Variants in SRPK1 observed in about 807,000 individuals in gnomAD.
SRPK1 encodes SFRS protein kinase 1.
Under a neutral mutation model 89.5 loss-of-function variants are expected in SRPK1, and 52 were observed. The ratio of observed to expected loss-of-function variants is 0.58; its 90% CI spans 0.46 to 0.73. SRPK1 has a LOEUF of 0.73. SRPK1 is among the 30% of genes least tolerant of loss of function. SRPK1 has a pLI of 0.00. For synonymous variants in SRPK1, 255 were observed against 270.2 expected (o/e 0.94, Z 0.55); for missense variants, 603 against 780.6 (o/e 0.77, Z 2.71).
At chr6:35,860,753 A>G (rs189723100) in intron 12 of SRPK1, among the ~76,000 whole-genome samples, 1 of 151,812 alleles carries the variant, frequency 6.6e-6, no homozygotes, top group East Asian at 1.9e-4. Flanking sequence ...TGTTGTGGAG[A>G]AAAAAAAAGT....
In SRPK1 at chr6:35,869,439, T is replaced by C. The variant is rs766156743; in HGVS notation, c.1411+43A>G. 1.2e-5 allele frequency: 19 copies of C among 1,577,106 alleles called. No homozygotes were observed. The Admixed American group carries it at 1.7e-4, about 14-fold the overall frequency. ...TTAGTCTAGAAATCTGTGAATGTGT[T>C]GTGCAGGGAAGGAGTGTTGAGGAAG... On this transcript the variant is annotated intron_variant, in intron 11 of 15. Transcript: ENST00000373825.
At chr6:35,880,033 C>T (rs1325666387) in intron 6 of SRPK1, among the ~76,000 whole-genome samples, 2 of 149,922 alleles carry the variant, frequency 1.3e-5, no homozygotes, top group Non-Finnish European at 3.0e-5. Flanking sequence ...GGCACTCCAG[C>T]CTGGGTGGTG....
intron 15 of SRPK1, among the ~76,000 whole-genome samples, chr6:35,837,674 G>A (rs1159732592): frequency 6.6e-6 from 1 of 151,922 alleles, no homozygotes; most frequent in East Asian, 1.9e-4. Context: ...TCCCACCCCA[G>A]CTTTCGGAGT....
At chr6:35,882,632 A>T (rs1770320567) in intron 6 of SRPK1, among the ~76,000 whole-genome samples, 1 of 152,138 alleles carries the variant, frequency 6.6e-6, no homozygotes, top group African/African-American at 2.4e-5. Context: ...TTAGAAATAC[A>T]TTCTAAAACA....
At position 35,915,401 on chromosome 6, in the gene SRPK1, C is replaced by T. The variant is rs552607688; in HGVS notation, c.74+5067G>A. Among the ~76,000 whole-genome samples, 940 of 121,042 alleles carry T rather than the reference C, an allele frequency of 7.8e-3. 13 individuals carry two copies. Among genetic ancestry groups the T allele is most frequent in the African/African-American group, 0.026 (853 of 32,834 alleles). The allele number at this position is 121,042 out of a possible 152,430, so 79.4% of individuals were successfully genotyped here. ...CAGCCTGGACGACAGAGCAAGACACCGTCTCAAAAAAAAAAAAAAAAAAGA... is the reference window on the plus strand; with the variant it reads ...CAGCCTGGACGACAGAGCAAGACACTGTCTCAAAAAAAAAAAAAAAAAAGA... On this transcript the variant is annotated intron_variant, in intron 2 of 15. Coordinates refer to ENST00000373825, the MANE Select transcript of SRPK1 (RefSeq NM_003137.5).
chr6:35,875,676 C>G (rs1770140840), intron 6 of SRPK1, among the ~76,000 whole-genome samples: 1 of 152,026 alleles, frequency 6.6e-6, no homozygotes, highest in Non-Finnish European at 1.5e-5. Flanking sequence ...AATAGAAAAT[C>G]ACCATTTTTA....
chr6:35,888,934 CAG>C lies in SRPK1; in HGVS notation c.194-13_194-12del, dbSNP rs753959830. 2.8e-4 allele frequency: 441 copies of C among 1,556,826 alleles called. 1 individual carries two copies. The highest frequency in any genetic ancestry group is 3.6e-4 in the Non-Finnish European group (403 of 1,128,944). On this transcript the variant is annotated splice_polypyrimidine_tract_variant and intron_variant, in intron 3 of 15. Coordinates refer to ENST00000373825, the MANE Select transcript of SRPK1 (RefSeq NM_003137.5). ...CAAGATGATAACCTCCTGGAAGAAA[CAG>C]GGGAAATACAATCAGAAAAACCAGG...
At position 35,835,326 on chromosome 6, in the gene SRPK1, C is replaced by A; in HGVS notation, c.1946G>T (p.Arg649Leu). 6.2e-7 allele frequency: 1 copy of A among 1,613,498 alleles called. No homozygotes were observed. The highest frequency in any genetic ancestry group is 8.5e-7 in the Non-Finnish European group (1 of 1,179,712). The change falls in exon 16 of 16, where the codon CGG becomes CTG. Residue 649 changes from arginine to leucine, a missense_variant. Transcript: ENST00000373825. ...EKRATAAECL[R>L]HPWLNS ...GGCTTAGGAGTTAAGCCAAGGGTGC[C>A]GGAGACACTCGGCGGCAGTGGCTCT...
chr6:35,857,610 G>A (rs1373090043), intron 12 of SRPK1, among the ~76,000 whole-genome samples: 1 of 152,086 alleles, frequency 6.6e-6, no homozygotes, highest in Non-Finnish European at 1.5e-5. Context: ...ACAGGTCTAG[G>A]AAACAACAAC....
At chr6:35,844,571 A>T (rs2151079771) in intron 13 of SRPK1, among the ~76,000 whole-genome samples, 1 of 152,266 alleles carries the variant, frequency 6.6e-6, no homozygotes, top group Admixed American at 6.5e-5. Context: ...ACAAAACCAG[A>T]AGTTTCAGGA....
chr6:35,835,383 AAG>A lies in SRPK1; in HGVS notation c.1887_1888del (p.Leu630ThrfsTer9), dbSNP rs777742539. The A allele has an allele frequency of 6.2e-7, 1 of 1,613,826 alleles. No individual in the cohort carries two copies. Among genetic ancestry groups the A allele is most frequent in the South Asian group, 1.1e-5 (1 of 91,050 alleles). On this transcript the variant is annotated frameshift_variant, in exon 16 of 16. Transcript: ENST00000373825. LOFTEE classifies it high-confidence loss of function. ...AGGGATCAGCTCCAACATGGGCAGT[AAG>A]AAATCTGTGAAGCCAGCTGCCTCTT...
chr6:35,886,525 A>C (rs1014233713), intron 6 of SRPK1, among the ~76,000 whole-genome samples, 199 bp downstream of exon 6: 2 of 152,256 alleles, frequency 1.3e-5, no homozygotes, highest in Non-Finnish European at 2.9e-5. Flanking sequence ...GAGGACAAGA[A>C]GCTTAAAGCA....
In SRPK1 at chr6:35,835,361, G is replaced by T. The variant is rs768435842; in HGVS notation, c.1911C>A (p.Ile637=). Residue 637 remains isoleucine (I), a synonymous_variant, in exon 16 of 16, where the codon ATC becomes ATA. Coordinates refer to ENST00000373825, the MANE Select transcript of SRPK1 (RefSeq NM_003137.5). ...TDFLLPMLEL[I]PEKRATAAEC... ...CGGCGGCAGTGGCTCTCTTCTCAGGGATCAGCTCCAACATGGGCAGTAAGA... is the reference window on the plus strand; with the variant it reads ...CGGCGGCAGTGGCTCTCTTCTCAGGTATCAGCTCCAACATGGGCAGTAAGA... The T allele has an allele frequency of 1.2e-6, 2 of 1,613,700 alleles. No homozygotes were observed. The highest frequency in any genetic ancestry group is 1.1e-5 in the South Asian group (1 of 91,036).
intron 12 of SRPK1, among the ~76,000 whole-genome samples, chr6:35,859,774 T>C (rs1769739835): frequency 6.6e-6 from 1 of 152,164 alleles, no homozygotes; most frequent in Non-Finnish European, 1.5e-5. Context: ...AACACACATG[T>C]ATTGTTCACC....
chr6:35,890,032 C>T lies in SRPK1; in HGVS notation c.193+863G>A, dbSNP rs141276422. ...CTGAGGCAGGAGAATGGCATGAACC[C>T]GGGAGGCAGAGCTTGCAGTGAGCCG... is the stretch of plus-strand genomic sequence containing the variant. On this transcript the variant is annotated intron_variant, in intron 3 of 15. Transcript: ENST00000373825. Among the ~76,000 whole-genome samples, 748 of 152,080 alleles carry T rather than the reference C, an allele frequency of 4.9e-3. 5 individuals carry two copies. Among genetic ancestry groups the T allele is most frequent in the African/African-American group, 0.017 (701 of 41,484 alleles).
rs1462565128 is a variant in SRPK1, at chr6:35,835,266, G to A, written c.*38C>T. On this transcript the variant is annotated 3_prime_UTR_variant, in exon 16 of 16. Coordinates refer to ENST00000373825, the MANE Select transcript of SRPK1 (RefSeq NM_003137.5). Reference sequence around the variant, plus strand: ...AATGCTTGAAGGGGAAGGGCGGAGGGTCAGTGTGTGATCTCTGCTGTGGTG... The same window carrying A: ...AATGCTTGAAGGGGAAGGGCGGAGGATCAGTGTGTGATCTCTGCTGTGGTG... The A allele has an allele frequency of 3.9e-6, 6 of 1,557,904 alleles. No individual in the cohort carries two copies. In the East Asian group the frequency reaches 1.1e-4, roughly 29 times the overall value.
chr6:35,843,754 G>A (rs1282335922), intron 13 of SRPK1, among the ~76,000 whole-genome samples: 1 of 151,506 alleles, frequency 6.6e-6, no homozygotes, highest in Admixed American at 6.6e-5. Context: ...TGGCCAATTC[G>A]TAGGTCTTTA....
At chr6:35,888,381 G>A (rs1770452694) in intron 4 of SRPK1, among the ~76,000 whole-genome samples, 1 of 152,068 alleles carries the variant, frequency 6.6e-6, no homozygotes, top group South Asian at 2.1e-4. Context: ...ATATCTCCCT[G>A]AGTTACAAGC....
At chr6:35,868,202 G>A (rs1427789453) in intron 12 of SRPK1, among the ~76,000 whole-genome samples, 1 of 151,972 alleles carries the variant, frequency 6.6e-6, no homozygotes, top group East Asian at 1.9e-4. Context: ...TCGAACTCCT[G>A]ACCTCAGGTG....
Sources: allele counts gnomAD v4.1 joint callset (sites outside exome capture counted in the v4.1 genomes callset), GRCh38; gene constraint gnomAD v4.1.1; transcripts MANE v1.5; gene names NCBI Gene and HGNC (gene_info 2026-07-23, HGNC 2026-07-21).